Variants in JAK2 observed in about 807,000 individuals in gnomAD.
The protein encoded by JAK2 is Janus kinase 2.
In JAK2, 86 loss-of-function variants were observed where a neutral mutation model predicts 139.3. That is an observed-to-expected ratio of 0.62 (90% confidence interval 0.52 to 0.74). JAK2 has a LOEUF of 0.74. Among genes scored for constraint, JAK2 ranks in the 30% least tolerant of loss-of-function variants. The pLI is 0.00. For synonymous variants in JAK2, 490 were observed against 437.7 expected (o/e 1.12, Z -1.49); for missense variants, 1,421 against 1,360.3 (o/e 1.04, Z -0.70).
intron 2 of JAK2, among the ~76,000 whole-genome samples, chr9:4,998,987 A>ATT (rs553934718): frequency 7.0e-6 from 1 of 143,872 alleles, no homozygotes; most frequent in African/African-American, 2.5e-5. Context: ...ACGCCCGGCT[A>ATT]TTTTTTTTTT....
chr9:5,110,734 CG>C (rs1272230977), intron 22 of JAK2: 2 of 362,956 alleles, frequency 5.5e-6, no homozygotes, highest in Non-Finnish European at 1.1e-5. Flanking sequence ...CTATAGTACC[CG>C]TGTTATTTTC....
intron 19 of JAK2, among the ~76,000 whole-genome samples, chr9:5,087,371 C>A (rs1170611334): frequency 6.6e-6 from 1 of 152,170 alleles, no homozygotes; most frequent in Non-Finnish European, 1.5e-5. Context: ...AAACCACCCG[C>A]ATGATTCAGT....
At chr9:5,075,052 CA>C (rs1819217411) in intron 14 of JAK2, among the ~76,000 whole-genome samples, 1 of 151,952 alleles carries the variant, frequency 6.6e-6, no homozygotes, top group African/African-American at 2.4e-5. Flanking sequence ...TCCCTTGAGC[CA>C]AAGCCCAATC....
rs117781248 is a variant in JAK2 at position 5,086,812 on chromosome 9, T to C, written c.2572-2862T>C. Among the ~76,000 whole-genome samples the C allele has an allele frequency of 3.9e-4, 60 of 152,310 alleles. No homozygotes were observed. The East Asian group carries it at 7.9e-3, about 20-fold the overall frequency. On this transcript the variant is annotated intron_variant, in intron 19 of 24. Transcript: ENST00000381652. ...TAGTGTCTTTCACACTTTCTTCTTA[T>C]TGGAACGTAAATTGGTGACCCTTTC...
rs188121971 is a variant in JAK2 at position 5,067,655 on chromosome 9, A to T, written c.1326+866A>T. 9.6e-4 allele frequency among the ~76,000 whole-genome samples: 146 copies of T among 151,568 alleles called. 1 individual carries two copies. The East Asian group carries it at 0.017, about 18-fold the overall frequency. ...TTATATTCAAGTATGAATTCAAAAA[A>T]ATATATATATATATTTTATGTTCAC... On this transcript the variant is annotated intron_variant, in intron 10 of 24. Transcript: ENST00000381652.
At chr9:5,028,808 C>A (rs1389108276) in intron 3 of JAK2, among the ~76,000 whole-genome samples, 1 of 152,156 alleles carries the variant, frequency 6.6e-6, no homozygotes, top group Non-Finnish European at 1.5e-5. Context: ...CTCTCTCAGC[C>A]TTCACAGGTT....
intron 2 of JAK2, among the ~76,000 whole-genome samples, chr9:5,016,657 T>A (rs1317659630): frequency 6.6e-6 from 1 of 152,182 alleles, no homozygotes; most frequent in Non-Finnish European, 1.5e-5. Context: ...TGTTAACCAC[T>A]ACTTAGATCA....
chr9:5,085,351 C>G (rs1289778283), intron 19 of JAK2: 1 of 897,050 alleles, frequency 1.1e-6, no homozygotes, highest in African/African-American at 1.6e-5. Context: ...TACATTTTTT[C>G]CGTACTGATA....
At chr9:5,051,623 C>G (rs1175916775) in intron 6 of JAK2, among the ~76,000 whole-genome samples, 4 of 152,056 alleles carry the variant, frequency 2.6e-5, no homozygotes, top group African/African-American at 9.7e-5. Context: ...TAATATAAAA[C>G]TGCTTTTTAA....
chr9:5,069,155 G>T lies in JAK2; in HGVS notation c.1460G>T (p.Arg487Leu). 2 of 1,612,114 alleles carry T rather than the reference G, an allele frequency of 1.2e-6. No homozygotes were observed. The highest frequency in any genetic ancestry group is 1.7e-6 in the Non-Finnish European group (2 of 1,179,150). Residue 487 changes from arginine (R) to leucine (L), a missense_variant, in exon 11 of 25, where the codon CGC (arginine) becomes CTC (leucine). By Grantham distance (102) the Arg-to-Leu change is moderately radical (BLOSUM62 -2). Transcript: ENST00000381652. ...AATTGTTACCAGATGGAAACTGTTCGCTCAGACAATATAATTTTCCAGTTT... is the reference window on the plus strand; with the variant it reads ...AATTGTTACCAGATGGAAACTGTTCTCTCAGACAATATAATTTTCCAGTTT... ...LLNCYQMETV[R>L]SDNIIFQFTK... is the part of the protein sequence containing the mutation.
At chr9:5,078,952 T>C (rs955404410) in intron 16 of JAK2, among the ~76,000 whole-genome samples, 2 of 152,218 alleles carry the variant, frequency 1.3e-5, no homozygotes, top group Non-Finnish European at 2.9e-5. Flanking sequence ...TTCAGTCAGA[T>C]AGTTGAGAGG....
At chr9:5,043,999 T>C (rs1025033098) in intron 4 of JAK2, among the ~76,000 whole-genome samples, 1 of 152,236 alleles carries the variant, frequency 6.6e-6, no homozygotes, top group Non-Finnish European at 1.5e-5. Flanking sequence ...TAGAGTGTTC[T>C]TTGTTTCTCT....
rs1036475488 is a variant in JAK2 at position 5,127,064 on chromosome 9, G to A, written c.*273G>A. On this transcript the variant is annotated 3_prime_UTR_variant, in exon 25 of 25. Transcript: ENST00000381652. ...TTAACATCACTCTTGTCTGGCAAAA[G>A]AAAAAAAATAGACTTTTTCAACTCA... The A allele has an allele frequency of 1.9e-5, 5 of 260,304 alleles. No individual in the cohort carries two copies. The highest frequency in any genetic ancestry group is 2.9e-5 in the Non-Finnish European group (4 of 136,276). The allele number at this position is 260,304 out of a possible 1,614,324, so 16.1% of individuals were successfully genotyped here.
At chr9:5,069,894 G>C in intron 11 of JAK2, 31 bp from the exon 12 acceptor site, 1 of 1,448,948 alleles carries the variant, frequency 6.9e-7, no homozygotes, top group African/African-American at 1.4e-5. Flanking sequence ...AGTGTATTTT[G>C]AAGTGATATA....
chr9:5,105,128 T>A (rs1821846462), intron 22 of JAK2, among the ~76,000 whole-genome samples: 2 of 152,226 alleles, frequency 1.3e-5, no homozygotes, highest in Admixed American at 6.5e-5. Flanking sequence ...TGTCCCTGTT[T>A]GCAGATGACA....
At chr9:5,064,474 G>A (rs1818427714) in intron 8 of JAK2, among the ~76,000 whole-genome samples, 1 of 150,614 alleles carries the variant, frequency 6.6e-6, no homozygotes, top group Non-Finnish European at 1.5e-5. Flanking sequence ...AGGTTGCAGT[G>A]AGCCAAGATT....
intron 19 of JAK2, among the ~76,000 whole-genome samples, chr9:5,089,177 G>A (rs1261027098): frequency 6.6e-6 from 1 of 152,104 alleles, no homozygotes; most frequent in East Asian, 1.9e-4. Flanking sequence ...TAAATTTACA[G>A]ATTTACTACC....
chr9:5,028,697 T>C (rs955616024), intron 3 of JAK2, among the ~76,000 whole-genome samples: 1 of 152,240 alleles, frequency 6.6e-6, no homozygotes, highest in African/African-American at 2.4e-5. Flanking sequence ...CAACACTTGC[T>C]GCTTCACCTT....
At position 5,027,087 on chromosome 9, in the gene JAK2, C is replaced by G. The variant is rs139777527; in HGVS notation, c.227-2696C>G. Among the ~76,000 whole-genome samples, 1,355 of 152,232 alleles carry G rather than the reference C, an allele frequency of 8.9e-3. 16 individuals carry two copies. Among genetic ancestry groups the G allele is most frequent in the African/African-American group, 0.03 (1,232 of 41,530 alleles). On this transcript the variant is annotated intron_variant, in intron 3 of 24. Transcript: ENST00000381652. ...ATGGATTTTTATTATACCTCCAGTT[C>G]AGGGAAACTTGAAAATTTGAACCAA...
Sources: gnomAD v4.1 joint callset for allele counts (sites outside exome capture counted in the v4.1 genomes callset) on GRCh38, gnomAD v4.1.1 for gene constraint, MANE v1.5 for transcripts, NCBI Gene and HGNC (gene_info 2026-07-23, HGNC 2026-07-21) for gene names.